TRAF4: variants seen among roughly 807,000 people sequenced by gnomAD.
TRAF4 encodes TNF receptor associated factor 4.
Under a neutral mutation model 47.3 loss-of-function variants are expected in TRAF4, and 9 were observed. The observed-to-expected ratio is 0.19, with a 90% CI of 0.11 to 0.33. The LOEUF is 0.33. TRAF4 is among the 10% of genes least tolerant of loss of function. TRAF4 has a pLI of 1.00. For synonymous variants in TRAF4, 236 were observed against 236.9 expected (o/e 1.00, Z 0.04); for missense variants, 448 against 620.3 (o/e 0.72, Z 2.95).
chr17:28,748,757 C>A, intron 6 of TRAF4, 91 bp downstream of exon 6: 1 of 1,543,094 alleles, frequency 6.5e-7, no homozygotes, highest in East Asian at 2.3e-5. Flanking sequence ...TTGGTGGTCC[C>A]TGCTGTGCTG....
chr17:28,744,384 G>T (rs371900099), intron 1 of TRAF4, 129 bp downstream of exon 1: 4 of 1,092,832 alleles, frequency 3.7e-6, no homozygotes, highest in Non-Finnish European at 1.3e-6. Context: ...GGGGCGCCCC[G>T]TGACGTCACG....
chr17:28,746,905 G>A (rs1165467339), intron 1 of TRAF4: 2 of 319,374 alleles, frequency 6.3e-6, no homozygotes. Context: ...TGTGCAGCGT[G>A]TTCCTTTCCC....
intron 2 of TRAF4, 25 bp downstream of exon 2, chr17:28,747,289 G>A (rs765461478): frequency 1.9e-6 from 3 of 1,610,686 alleles, no homozygotes; most frequent in Non-Finnish European, 2.5e-6. Flanking sequence ...CCAGGAAGAA[G>A]CCCAAGCACA....
At chr17:28,747,331 C>T in intron 2 of TRAF4, 67 bp downstream of exon 2, 2 of 1,572,154 alleles carry the variant, frequency 1.3e-6, no homozygotes, top group East Asian at 2.3e-5. Flanking sequence ...GAGCTGCTGG[C>T]AGCCAGTGGG....
rs1393163731 is a variant in TRAF4, at chr17:28,748,570, C to T, written c.684C>T (p.Gly228=). ...PVACPNQCGV[G]TVAREDLPGH... ...CCTGCCCCAACCAATGTGGTGTGGGCACTGTGGCTCGGGAGGACCTGCCAG... is the reference window on the plus strand; with the variant it reads ...CCTGCCCCAACCAATGTGGTGTGGGTACTGTGGCTCGGGAGGACCTGCCAG... Residue 228 remains glycine (G), a synonymous_variant, in exon 6 of 7, where the codon GGC becomes GGT. Coordinates refer to ENST00000262395, the MANE Select transcript of TRAF4 (RefSeq NM_004295.4). The T allele has an allele frequency of 1.2e-6, 2 of 1,613,298 alleles. No individual in the cohort carries two copies. The highest frequency in any genetic ancestry group is 1.3e-5 in the African/African-American group (1 of 74,930).
rs2034551587 is a variant in TRAF4 at position 28,748,544 on chromosome 17, G to A, written c.658G>A (p.Ala220Thr). 6.2e-7 allele frequency: 1 copy of A among 1,613,392 alleles called. No homozygotes were observed. The highest frequency in any genetic ancestry group is 8.5e-7 in the Non-Finnish European group (1 of 1,179,972). The change falls in exon 6 of 7, where the codon GCC (alanine) becomes ACC (threonine). Residue 220 changes from alanine (A) to threonine (T), a missense_variant. Physicochemically the swap from Ala to Thr is moderately conservative, Grantham distance 58. Transcript: ENST00000262395. ...GTACCAGTGCCCAAGGCTGCCTGTT[G>A]CCTGCCCCAACCAATGTGGTGTGGG... is the stretch of plus-strand genomic sequence containing the variant. ...HQYQCPRLPV[A>T]CPNQCGVGTV... is the part of the protein sequence containing the mutation.
At position 28,744,075 on chromosome 17, in the gene TRAF4, G is replaced by T; in HGVS notation, c.-38G>T. Reference sequence around the variant, plus strand: ...GGCGCGGGCTGTGGGGCCGCCGCGTGCCTGGCCCCGCTCGCCCGTGCCGGC... The same window carrying T: ...GGCGCGGGCTGTGGGGCCGCCGCGTTCCTGGCCCCGCTCGCCCGTGCCGGC... On this transcript the variant is annotated 5_prime_UTR_variant, in exon 1 of 7. Transcript: ENST00000262395. 2.1e-6 allele frequency: 3 copies of T among 1,424,488 alleles called. No individual in the cohort carries two copies. Among genetic ancestry groups the T allele is most frequent in the South Asian group, 2.5e-5 (2 of 78,928 alleles). The allele number at this position is 1,424,488 out of a possible 1,614,324, so 88.2% of individuals were successfully genotyped here. A position where few individuals can be genotyped will look rare whatever the true frequency, so the allele number is the denominator to read the frequency against.
chr17:28,749,050 C>T lies in TRAF4; in HGVS notation c.886C>T (p.Arg296Trp), dbSNP rs753205057. 1.3e-5 allele frequency: 21 copies of T among 1,613,708 alleles called. No homozygotes were observed. The highest frequency in any genetic ancestry group is 3.3e-5 in the Admixed American group (2 of 60,008). Residue 296 changes from arginine to tryptophan, a missense_variant, in exon 7 of 7, where the codon CGG becomes TGG. Physicochemically the swap from Arg to Trp is moderately radical, Grantham distance 101 (BLOSUM62 -3). Coordinates refer to ENST00000262395, the MANE Select transcript of TRAF4 (RefSeq NM_004295.4). ...SRQRQELQEL[R>W]RELEELSVGS... The stretch of plus-strand genomic sequence containing the variant: ...GCAACGGCAGGAGCTGCAGGAGCTT[C>T]GGCGAGAGCTGGAGGAGCTATCAGT...
chr17:28,749,534 T>C lies in TRAF4; in HGVS notation c.1370T>C (p.Phe457Ser). 6.2e-7 allele frequency: 1 copy of C among 1,613,680 alleles called. No homozygotes were observed. The highest frequency in any genetic ancestry group is 8.5e-7 in the Non-Finnish European group (1 of 1,179,976). Reference sequence around the variant, plus strand: ...AACTATGTGCGGGATGATGCAGTCTTCATCCGTGCTGCTGTTGAACTGCCC... The same window carrying C: ...AACTATGTGCGGGATGATGCAGTCTCCATCCGTGCTGCTGTTGAACTGCCC... ...KRNYVRDDAV[F>S]IRAAVELPRK... Residue 457 changes from phenylalanine (F) to serine (S), a missense_variant, in exon 7 of 7, where the codon TTC becomes TCC. Coordinates refer to ENST00000262395, the MANE Select transcript of TRAF4 (RefSeq NM_004295.4).
chr17:28,749,972 T>C lies in TRAF4; in HGVS notation c.*395T>C, dbSNP rs768361911. On this transcript the variant is annotated 3_prime_UTR_variant, in exon 7 of 7. Coordinates refer to ENST00000262395, the MANE Select transcript of TRAF4 (RefSeq NM_004295.4). ...AAGAGTCTGTCTTGAGATCTGATTT[T>C]TTCCCCCTTTACCTAGCTGTGCCCC... 2 of 665,834 alleles carry C rather than the reference T, an allele frequency of 3.0e-6. No homozygotes were observed. Among genetic ancestry groups the C allele is most frequent in the East Asian group, 2.7e-5 (1 of 36,644 alleles). 41.2% of individuals were successfully genotyped at this position (665,834 alleles called of 1,614,324 possible).
chr17:28,747,279 C>A lies in TRAF4; in HGVS notation c.195+15C>A. 1.2e-6 allele frequency: 2 copies of A among 1,611,982 alleles called. No homozygotes were observed. The highest frequency in any genetic ancestry group is 1.1e-5 in the South Asian group (1 of 90,880). ...ACTATGCCAAGGTGAGTCCACACTG[C>A]CAGGAAGAAGCCCAAGCACAGTCTG... On this transcript the variant is annotated intron_variant, in intron 2 of 6. Transcript: ENST00000262395.
chr17:28,747,124 G>A, intron 1 of TRAF4, 89 bp from the exon 2 acceptor site: 1 of 1,490,362 alleles, frequency 6.7e-7, no homozygotes, highest in Non-Finnish European at 9.2e-7. Context: ...GGTCTGGTGA[G>A]GAAGGGAGGC....
rs1180366291 is a variant in TRAF4 at position 28,744,012 on chromosome 17, G to A, written c.-101G>A. 9.9e-7 allele frequency: 1 copy of A among 1,009,096 alleles called. No individual in the cohort carries two copies. Among genetic ancestry groups the A allele is most frequent in the Non-Finnish European group, 1.2e-6 (1 of 847,348 alleles). 62.5% of individuals were successfully genotyped at this position (1,009,096 alleles called of 1,614,324 possible). On this transcript the variant is annotated 5_prime_UTR_variant, in exon 1 of 7. Coordinates refer to ENST00000262395, the MANE Select transcript of TRAF4 (RefSeq NM_004295.4). ...AGCCGAGCCCTGGCCGCGACCGCCA[G>A]TCGGCGCCGCCCGGAGCCGGGAGCG...
chr17:28,748,336 G>C lies in TRAF4; in HGVS notation c.537G>C (p.Leu179=). 4.3e-6 allele frequency: 7 copies of C among 1,613,364 alleles called. No individual in the cohort carries two copies. Among genetic ancestry groups the C allele is most frequent in the Non-Finnish European group, 5.1e-6 (6 of 1,179,916 alleles). The change falls in exon 5 of 7, where the codon CTG becomes CTC. Residue 179 remains leucine, a synonymous_variant. Coordinates refer to ENST00000262395, the MANE Select transcript of TRAF4 (RefSeq NM_004295.4). ...NKCGARMMRR[L]LAQHATSECP... is the part of the protein sequence containing the mutation. ...GTGGTGCCCGCATGATGCGGCGGCT[G>C]CTGGCCCAGCATGCCACCTCTGAGT...
intron 6 of TRAF4, 106 bp downstream of exon 6, chr17:28,748,772 G>A: frequency 2.0e-6 from 3 of 1,522,322 alleles, no homozygotes; most frequent in Non-Finnish European, 2.6e-6. Flanking sequence ...GTGCTGCTCT[G>A]AAACCCTCAG....
In TRAF4 at chr17:28,748,969, C is replaced by CA; in HGVS notation, c.806dup (p.His269GlnfsTer39). The CA allele has an allele frequency of 6.2e-7, 1 of 1,612,258 alleles. No individual in the cohort carries two copies. On this transcript the variant is annotated frameshift_variant, in exon 7 of 7. Transcript: ENST00000262395. LOFTEE classifies it high-confidence loss of function. ...GTGCCCTAAGCTGGCAATGGCACGG[C>CA]ATGTGGAGGAGAGTGTGAAGCCACA...
intron 1 of TRAF4, among the ~76,000 whole-genome samples, chr17:28,745,921 C>A (rs759156361): frequency 6.6e-6 from 1 of 152,200 alleles, no homozygotes; most frequent in African/African-American, 2.4e-5. Flanking sequence ...CCAAGTGGAC[C>A]CCCTCCCCCT....
intron 6 of TRAF4, 131 bp downstream of exon 6, chr17:28,748,797 G>C (rs377694420): frequency 2.0e-6 from 3 of 1,482,942 alleles, no homozygotes; most frequent in African/African-American, 1.4e-5. Context: ...TCCCTCTGCT[G>C]CCAGCTCCAG....
Position 28,749,775 on chromosome 17 carries a change from TG to T in TRAF4, c.*202del, listed in dbSNP as rs1287809258. 1 of 917,992 alleles carries T rather than the reference TG, an allele frequency of 1.1e-6. No individual in the cohort carries two copies. The highest frequency in any genetic ancestry group is 1.7e-6 in the Non-Finnish European group (1 of 582,542). The allele number at this position is 917,992 out of a possible 1,614,324, so 56.9% of individuals were successfully genotyped here. A position where few individuals can be genotyped will look rare whatever the true frequency, so the allele number is the denominator to read the frequency against. On this transcript the variant is annotated 3_prime_UTR_variant, in exon 7 of 7. Transcript: ENST00000262395. Reference sequence around the variant, plus strand: ...CCTGGCCCCTGTGGGGAACAGGTCTTGGGGTCATGAAGGGCTGGAAACAAGT... The same window carrying T: ...CCTGGCCCCTGTGGGGAACAGGTCTTGGGTCATGAAGGGCTGGAAACAAGT...
Sources: allele counts gnomAD v4.1 joint callset (sites outside exome capture counted in the v4.1 genomes callset), GRCh38; gene constraint gnomAD v4.1.1; transcripts MANE v1.5; gene names NCBI Gene and HGNC (gene_info 2026-07-23, HGNC 2026-07-21).